The following TMPRSS11A variants were observed in gnomAD, a reference collection of about 807,000 sequenced individuals.
TMPRSS11A encodes the protein transmembrane serine protease 11A, also known as transmembrane protease serine 11A.
TMPRSS11A carries 53 observed loss-of-function variants against 58.9 expected under a neutral mutation model. The ratio of observed to expected loss-of-function variants is 0.90; its 90% confidence interval spans 0.72 to 1.13. The LOEUF is 1.13. Ranked by LOEUF, TMPRSS11A falls within the 50% of genes most tolerant of loss-of-function variation. The pLI is 0.00. For synonymous variants in TMPRSS11A, 167 were observed against 169.8 expected, an observed-to-expected ratio of 0.98 and a Z score of 0.13; for missense variants, 493 against 499.3, an observed-to-expected ratio of 0.99 and a Z score of 0.12.
At chr4:67,916,721 G>A (rs1477307429) in intron 8 of TMPRSS11A, among the ~76,000 whole-genome samples, 1 of 152,106 alleles carries the variant, frequency 6.6e-6, no homozygotes, top group Non-Finnish European at 1.5e-5. Context: ...CAGCTACTCG[G>A]GAGGCTGAGG....
At chr4:67,928,292 C>T (rs911720362) in intron 5 of TMPRSS11A, among the ~76,000 whole-genome samples, 6 of 152,148 alleles carry the variant, frequency 3.9e-5, no homozygotes, top group African/African-American at 7.2e-5. Context: ...GTGATCCACC[C>T]GCCTCGGCCT....
chr4:67,918,937 G>C (rs775493023), intron 8 of TMPRSS11A, 36 bp downstream of exon 8: 2 of 1,610,674 alleles, frequency 1.2e-6, no homozygotes, highest in Non-Finnish European at 1.7e-6. Flanking sequence ...CCTTAGACAG[G>C]GCTTAGCGCT....
chr4:67,944,364 C>T, intron 3 of TMPRSS11A, 155 bp downstream of exon 3: 1 of 768,782 alleles, frequency 1.3e-6, no homozygotes, highest in South Asian at 2.0e-5. Context: ...TCTCATCATA[C>T]TCTGATTAAG....
chr4:67,932,929 G>A (rs1720665060), intron 3 of TMPRSS11A, among the ~76,000 whole-genome samples: 1 of 152,028 alleles, frequency 6.6e-6, no homozygotes, highest in Admixed American at 6.6e-5. Context: ...TGATGCTGTG[G>A]TCTCTCACAC....
At chr4:67,961,571 G>A (rs1440385953) in intron 1 of TMPRSS11A, among the ~76,000 whole-genome samples, 1 of 288 alleles carries the variant, frequency 3.5e-3, no homozygotes, top group Non-Finnish European at 0.083. Context: ...AAGTGTAGTG[G>A]CATGATTTGG....
chr4:67,947,834 C>T (rs1721063312), intron 1 of TMPRSS11A, among the ~76,000 whole-genome samples: 1 of 152,158 alleles, frequency 6.6e-6, no homozygotes, highest in Non-Finnish European at 1.5e-5. Context: ...CCCAATAAGG[C>T]ACCTGGACAG....
At chr4:67,962,892 G>A (rs971360156) in intron 1 of TMPRSS11A, among the ~76,000 whole-genome samples, 1 of 152,164 alleles carries the variant, frequency 6.6e-6, no homozygotes, top group African/African-American at 2.4e-5. Flanking sequence ...TGGAAGCCCT[G>A]GGTCTTCTAC....
chr4:67,932,036 C>T lies in TMPRSS11A; in HGVS notation c.277G>A (p.Ala93Thr). 6.3e-7 allele frequency: 1 copy of T among 1,598,814 alleles called. No individual in the cohort carries two copies. Among genetic ancestry groups the T allele is most frequent in the African/African-American group, 1.3e-5 (1 of 74,748 alleles). ...TTCTTGATATAATTTTTCTTCCAGG[C>T]TGAATCTATAAATATCTCATCCACC... ...NLVDEIFIDS[A>T]WKKNYIKNQV... The change falls in exon 4 of 10, where the codon GCC (alanine) becomes ACC (threonine). Residue 93 changes from alanine (A) to threonine (T), a missense_variant. Coordinates refer to ENST00000508048, the MANE Select transcript of TMPRSS11A (RefSeq NM_001114387.2).
chr4:67,952,968 C>G (rs1251600548), intron 1 of TMPRSS11A, among the ~76,000 whole-genome samples: 1 of 151,938 alleles, frequency 6.6e-6, no homozygotes, highest in African/African-American at 2.4e-5. Flanking sequence ...TTGTGGAAGA[C>G]AAGTTTTCCA....
At chr4:67,930,348 A>G (rs1266676009) in intron 4 of TMPRSS11A, among the ~76,000 whole-genome samples, 1 of 152,198 alleles carries the variant, frequency 6.6e-6, no homozygotes, top group Non-Finnish European at 1.5e-5. Flanking sequence ...TCTTAGGCTA[A>G]TCAATTGTAT....
intron 3 of TMPRSS11A, among the ~76,000 whole-genome samples, chr4:67,936,317 T>C (rs1720750573): frequency 6.8e-6 from 1 of 146,228 alleles, no homozygotes; most frequent in Admixed American, 7.0e-5. Context: ...GTATCATATC[T>C]GTATAAAACT....
In TMPRSS11A at chr4:67,920,527, T is replaced by TTATATATATATATGTATATA. The variant is rs1720290726; in HGVS notation, c.693-1296_693-1295insTATATACATATATATATATA. ...AGTTGGTTCTGGAAAAATGAGGTAA[T>TTATATATATATATGTATATA]TATATATATATATATATATATATTT... is the stretch of plus-strand genomic sequence containing the variant. On this transcript the variant is annotated intron_variant, in intron 7 of 9. Coordinates refer to ENST00000508048, the MANE Select transcript of TMPRSS11A (RefSeq NM_001114387.2). Among the ~76,000 whole-genome samples, 10 of 132,728 alleles carry TTATATATATATATGTATATA rather than the reference T, an allele frequency of 7.5e-5. No individual in the cohort carries two copies. In the South Asian group the frequency reaches 2.0e-3, roughly 27 times the overall value. The allele number at this position is 132,728 out of a possible 152,430, so 87.1% of individuals were successfully genotyped here.
chr4:67,950,422 T>C (rs528538111), intron 1 of TMPRSS11A, among the ~76,000 whole-genome samples: 1 of 152,314 alleles, frequency 6.6e-6, no homozygotes, highest in African/African-American at 2.4e-5. Context: ...ACTTTGAATC[T>C]CTCTATTGGG....
At position 67,944,539 on chromosome 4, in the gene TMPRSS11A, G is replaced by C. The variant is rs764749590; in HGVS notation, c.232C>G (p.Arg78Gly). Residue 78 changes from arginine to glycine, a missense_variant, in exon 3 of 10, where the codon CGA (arginine) becomes GGA (glycine). Arg to Gly is a moderately radical substitution (Grantham distance 125). Coordinates refer to ENST00000508048, the MANE Select transcript of TMPRSS11A (RefSeq NM_001114387.2). Reference protein sequence around the residue: ...QSNTYQLKDLRETTENLVDEI... With the variant: ...QSNTYQLKDLGETTENLVDEI... ...CTCACCAAATTTTCGGTCGTCTCTC[G>C]TAAGTCCTTAAGTTGATATGTGTTG... The C allele has an allele frequency of 1.9e-6, 3 of 1,610,660 alleles. No individual in the cohort carries two copies. The highest frequency in any genetic ancestry group is 2.2e-5 in the East Asian group (1 of 44,822).
intron 3 of TMPRSS11A, among the ~76,000 whole-genome samples, chr4:67,937,397 C>CTTAGAG (rs1720778544): frequency 6.6e-6 from 1 of 152,082 alleles, no homozygotes; most frequent in South Asian, 2.1e-4. Context: ...ATAAGTATAC[C>CTTAGAG]TAATGTATCT....
intron 3 of TMPRSS11A, among the ~76,000 whole-genome samples, chr4:67,941,612 T>C (rs1321166079): frequency 6.6e-6 from 1 of 152,190 alleles, no homozygotes; most frequent in East Asian, 1.9e-4. Context: ...ATGCATGCAA[T>C]GAACTCAATA....
At chr4:67,938,893 CTT>C (rs59980988) in intron 3 of TMPRSS11A, among the ~76,000 whole-genome samples, 6 of 139,272 alleles carry the variant, frequency 4.3e-5, no homozygotes, top group Admixed American at 7.2e-5. Context: ...GCTATTGGGG[CTT>C]TTTTTTTTTG....
At chr4:67,933,305 T>C (rs1406615255) in intron 3 of TMPRSS11A, among the ~76,000 whole-genome samples, 1 of 152,176 alleles carries the variant, frequency 6.6e-6, no homozygotes, top group Non-Finnish European at 1.5e-5. Context: ...TCAGAGGCAT[T>C]ATGTGAATTT....
In TMPRSS11A at chr4:67,910,482, T is replaced by C. The variant is rs1719936251; in HGVS notation, c.*860A>G. On this transcript the variant is annotated 3_prime_UTR_variant, in exon 10 of 10. Transcript: ENST00000508048. ...CAGGCATTTAACCCTACAATAATAATGCACAAAATTTCCCCCTTGTGGTCA... is the reference window on the plus strand; with the variant it reads ...CAGGCATTTAACCCTACAATAATAACGCACAAAATTTCCCCCTTGTGGTCA... 6.6e-6 allele frequency: 1 copy of C among 152,062 alleles called. No individual in the cohort carries two copies. Among genetic ancestry groups the C allele is most frequent in the African/African-American group, 2.4e-5 (1 of 41,430 alleles). The allele number at this position is 152,062 out of a possible 1,614,324, so 9.4% of individuals were successfully genotyped here.
Sources: allele counts gnomAD v4.1 joint callset (sites outside exome capture counted in the v4.1 genomes callset), GRCh38; gene constraint gnomAD v4.1.1; transcripts MANE v1.5; gene names NCBI Gene and HGNC (gene_info 2026-07-23, HGNC 2026-07-21).